ATXN2L: variants seen among roughly 807,000 people sequenced by gnomAD.
ATXN2L encodes the protein ataxin 2 like.
A neutral mutation model predicts 120.7 loss-of-function variants in ATXN2L; 24 were observed. The ratio of observed to expected loss-of-function variants is 0.20; its 90% confidence interval spans 0.14 to 0.28. ATXN2L has a LOEUF of 0.28. ATXN2L is among the 10% of genes least tolerant of loss of function. The probability of loss-of-function intolerance (pLI) is 1.00; values close to 1 mark genes in which losing one functional copy is unlikely to be tolerated. For missense variants in ATXN2L, 1,312 were observed against 1,432.3 expected, an observed-to-expected ratio of 0.92 and a Z score of 1.36; for synonymous variants, 653 against 568.1, an observed-to-expected ratio of 1.15 and a Z score of -2.13.
intron 4 of ATXN2L, 148 bp downstream of exon 4, chr16:28,825,989 G>A (rs2051807028): frequency 2.2e-6 from 2 of 904,562 alleles, no homozygotes; most frequent in South Asian, 1.6e-5. Flanking sequence ...AGGGAAAAAA[G>A]ACAAATTTGA....
At chr16:28,832,091 G>C (rs992924515) in intron 10 of ATXN2L, 114 bp from the exon 11 acceptor site, 2 of 1,145,586 alleles carry the variant, frequency 1.7e-6, no homozygotes, top group South Asian at 3.0e-5. Flanking sequence ...AGACATTTAA[G>C]TTGGTGACTC....
chr16:28,824,754 G>T (rs1167401135), intron 1 of ATXN2L: 6 of 287,432 alleles, frequency 2.1e-5, no homozygotes, highest in Admixed American at 1.1e-4. Flanking sequence ...CTGTAGCATT[G>T]ATCTGTTGGT....
In ATXN2L at chr16:28,835,704, C is replaced by T. The variant is rs754060441; in HGVS notation, c.2841C>T (p.Ala947=). 3.5e-5 allele frequency: 56 copies of T among 1,614,122 alleles called. No individual in the cohort carries two copies. The Admixed American group carries it at 3.7e-4, about 11-fold the overall frequency. The change falls in exon 21 of 22, where the codon GCC becomes GCT. Residue 947 remains alanine (A), a synonymous_variant. Transcript: ENST00000336783. ...TCCCCCAGCCAGCCGCTGTGTATGC[C>T]ATCCACCACCAGCAGCTGCCCCACG... ...SSFPQPAAVY[A]IHHQQLPHGF...
Position 28,836,866 on chromosome 16 carries a change from C to T in ATXN2L, c.*601C>T, listed in dbSNP as rs1961147612. The T allele has an allele frequency of 4.4e-6, 6 of 1,352,768 alleles. No homozygotes were observed. In the African/African-American group the frequency reaches 5.7e-5, roughly 13 times the overall value. The allele number at this position is 1,352,768 out of a possible 1,614,324, so 83.8% of individuals were successfully genotyped here. A position where few individuals can be genotyped will look rare whatever the true frequency, so the allele number is the denominator to read the frequency against. On this transcript the variant is annotated 3_prime_UTR_variant, in exon 22 of 22. Coordinates refer to ENST00000336783, the MANE Select transcript of ATXN2L (RefSeq NM_007245.4). ...CCCCAGCAGCTCGGACCACTCCCAGCCCCCCATCCCCCCGTTCCCCAGGGG... is the reference window on the plus strand; with the variant it reads ...CCCCAGCAGCTCGGACCACTCCCAGTCCCCCATCCCCCCGTTCCCCAGGGG...
Position 28,826,292 on chromosome 16 carries a change from G to C in ATXN2L, c.518G>C (p.Gly173Ala), listed in dbSNP as rs1423811295. 1.2e-6 allele frequency: 2 copies of C among 1,614,220 alleles called. No individual in the cohort carries two copies. The highest frequency in any genetic ancestry group is 1.7e-6 in the Non-Finnish European group (2 of 1,180,040). The change falls in exon 5 of 22, where the codon GGC becomes GCC. Residue 173 changes from glycine to alanine, a missense_variant. Transcript: ENST00000336783. The stretch of plus-strand genomic sequence containing the variant: ...CGGAAAGCATCTGAGCCAGCAGGTG[G>C]CCCTCGTCGGGAGGACATTGTGGAC... The part of the protein sequence containing the change: ...VHRKASEPAG[G>A]PRREDIVDTM...
intron 1 of ATXN2L, chr16:28,824,437 C>T: frequency 9.3e-6 from 12 of 1,285,408 alleles, no homozygotes; most frequent in Non-Finnish European, 1.2e-5. Flanking sequence ...GCTTTTGCGG[C>T]TGCGCTGTCC....
At chr16:28,830,902 G>T in intron 9 of ATXN2L, 60 bp from the exon 10 acceptor site, 4 of 1,350,318 alleles carry the variant, frequency 3.0e-6, no homozygotes, top group South Asian at 1.3e-5. Flanking sequence ...CGGTGGGAAT[G>T]TAATAGGTCG....
rs2051480916 is a variant in ATXN2L at position 28,825,375 on chromosome 16, C to T, written c.309C>T (p.Ser103=). The T allele has an allele frequency of 6.2e-7, 1 of 1,613,928 alleles. No homozygotes were observed. Among genetic ancestry groups the T allele is most frequent in the Non-Finnish European group, 8.5e-7 (1 of 1,179,914 alleles). ...TTGTTTTCTTTTATAGGGGACAGAG[C>T]ACAGGAAAGGGACCCCCACAGTCAC... The part of the protein sequence containing the change: ...AAAIGSARGQ[S]TGKGPPQSPV... Residue 103 remains serine (S), a synonymous_variant, in exon 2 of 22, where the codon AGC becomes AGT. Coordinates refer to ENST00000336783, the MANE Select transcript of ATXN2L (RefSeq NM_007245.4).
chr16:28,835,959 A>G lies in ATXN2L; in HGVS notation c.2922A>G (p.Ala974=). ...TQAHVQTGIT[A]APPPHPGAPH... is the part of the protein sequence containing the mutation. ...CCCATGTCCAAACTGGAATCACAGC[A>G]GCCCCGCCCCCTCACCCTGGGGCTC... The change falls in exon 22 of 22, where the codon GCA becomes GCG. Residue 974 remains alanine, a synonymous_variant. Coordinates refer to ENST00000336783, the MANE Select transcript of ATXN2L (RefSeq NM_007245.4). 1 of 1,540,086 alleles carries G rather than the reference A, an allele frequency of 6.5e-7. No individual in the cohort carries two copies. Among genetic ancestry groups the G allele is most frequent in the Non-Finnish European group, 8.7e-7 (1 of 1,144,056 alleles).
Position 28,835,297 on chromosome 16 carries a change from C to T in ATXN2L, c.2583C>T (p.Tyr861=). 6.2e-7 allele frequency: 1 copy of T among 1,613,888 alleles called. No individual in the cohort carries two copies. The highest frequency in any genetic ancestry group is 1.7e-5 in the Admixed American group (1 of 60,010). The part of the protein sequence containing the change: ...QALYATVHQS[Y]PHHATQLHAH... The stretch of plus-strand genomic sequence containing the variant: ...CTGCAGCCACTGTTCACCAGTCCTA[C>T]CCACACCATGCCACACAGCTCCATG... Residue 861 remains tyrosine, a synonymous_variant, in exon 20 of 22, where the codon TAC becomes TAT. Coordinates refer to ENST00000336783, the MANE Select transcript of ATXN2L (RefSeq NM_007245.4).
chr16:28,831,607 C>T (rs894928003), intron 10 of ATXN2L, among the ~76,000 whole-genome samples: 1 of 152,190 alleles, frequency 6.6e-6, no homozygotes, highest in African/African-American at 2.4e-5. Flanking sequence ...GGATTACAGG[C>T]GTGAGCCACC....
intron 1 of ATXN2L, chr16:28,824,238 G>C (rs2050838709): frequency 3.6e-6 from 4 of 1,103,710 alleles, no homozygotes; most frequent in Non-Finnish European, 4.5e-6. Context: ...GGAGGGGCTC[G>C]TCTGGTGGCA....
In ATXN2L at chr16:28,832,329, A is replaced by C; in HGVS notation, c.1446A>C (p.Ser482=). The C allele has an allele frequency of 6.2e-7, 1 of 1,614,014 alleles. No homozygotes were observed. Among genetic ancestry groups the C allele is most frequent in the Non-Finnish European group, 8.5e-7 (1 of 1,180,002 alleles). ...PTSSASIPVT[S]SVSDPGVGSI... ...CTTCAGCCTCCATCCCTGTGACCTC[A>C]TCAGTCTCAGATCCTGGAGTGGGCT... is the stretch of plus-strand genomic sequence containing the variant. Residue 482 remains serine, a synonymous_variant, in exon 11 of 22, where the codon TCA becomes TCC. Transcript: ENST00000336783.
chr16:28,830,339 A>G (rs1257011558), intron 8 of ATXN2L, among the ~76,000 whole-genome samples: 2 of 152,232 alleles, frequency 1.3e-5, no homozygotes, highest in Non-Finnish European at 2.9e-5. Flanking sequence ...TATCCCTGGA[A>G]CTACGGTGTG....
Position 28,823,522 on chromosome 16 carries a change from A to T in ATXN2L, c.263A>T (p.Gln88Leu). 7.2e-7 allele frequency: 1 copy of T among 1,390,684 alleles called. No individual in the cohort carries two copies. Among genetic ancestry groups the T allele is most frequent in the Non-Finnish European group, 9.3e-7 (1 of 1,075,334 alleles). The allele number at this position is 1,390,684 out of a possible 1,614,324, so 86.1% of individuals were successfully genotyped here. A position where few individuals can be genotyped will look rare whatever the true frequency, so the allele number is the denominator to read the frequency against. The change falls in exon 1 of 22, where the codon CAG becomes CTG. Residue 88 changes from glutamine (Q) to leucine (L), a missense_variant. By Grantham distance (113) the Gln-to-Leu change is moderately radical (BLOSUM62 -2). Transcript: ENST00000336783. ...CAGCCGCCGCCGCCGCAGCAACACCAGGAGAGGCCGGGGGCAGCCGCCATC... is the reference window on the plus strand; with the variant it reads ...CAGCCGCCGCCGCCGCAGCAACACCTGGAGAGGCCGGGGGCAGCCGCCATC... ...APQPPPPQQHQERPGAAAIGS... is the reference protein window; with the variant it reads ...APQPPPPQQHLERPGAAAIGS...
chr16:28,833,629 G>C, intron 15 of ATXN2L, 121 bp downstream of exon 15: 1 of 1,055,818 alleles, frequency 9.5e-7, no homozygotes, highest in Admixed American at 2.1e-5. Flanking sequence ...GGCAGTGTGA[G>C]GAGATGTCAT....
intron 1 of ATXN2L, chr16:28,824,591 A>AGCT: frequency 7.9e-7 from 1 of 1,260,280 alleles, no homozygotes; most frequent in Non-Finnish European, 1.0e-6. Context: ...TGGGGTGTGG[A>AGCT]GGGGATACCC....
intron 7 of ATXN2L, 119 bp from the exon 8 acceptor site, chr16:28,829,739 T>C: frequency 1.8e-6 from 2 of 1,109,188 alleles, no homozygotes; most frequent in Non-Finnish European, 2.7e-6. Flanking sequence ...ACCCAGATGT[T>C]GAAGGGATTA....
chr16:28,826,124 G>A lies in ATXN2L; in HGVS notation c.466-116G>A, dbSNP rs1021178336. ...AAGCATGTTGAGGATGTAGTGTTGTGAAAAGTTTGGGAAGGGTAAGAGAAA... is the reference window on the plus strand; with the variant it reads ...AAGCATGTTGAGGATGTAGTGTTGTAAAAAGTTTGGGAAGGGTAAGAGAAA... On this transcript the variant is annotated intron_variant, in intron 4 of 21. Transcript: ENST00000336783. 5 of 1,307,130 alleles carry A rather than the reference G, an allele frequency of 3.8e-6. No individual in the cohort carries two copies. The East Asian group carries it at 1.2e-4, about 30-fold the overall frequency. 81.0% of individuals were successfully genotyped at this position (1,307,130 alleles called of 1,614,324 possible).
Sources: allele counts gnomAD v4.1 joint callset (sites outside exome capture counted in the v4.1 genomes callset), GRCh38; gene constraint gnomAD v4.1.1; transcripts MANE v1.5; gene names NCBI Gene and HGNC (gene_info 2026-07-23, HGNC 2026-07-21).